The following VPS36 variants were observed in gnomAD, a reference collection of about 807,000 sequenced individuals.
VPS36 encodes vacuolar protein-sorting-associated protein 36.
A neutral mutation model predicts 63.5 loss-of-function variants in VPS36; 31 were observed. The ratio of observed to expected loss-of-function variants is 0.49; its 90% CI spans 0.37 to 0.66. The LOEUF (loss-of-function observed/expected upper bound fraction) is 0.66. Among genes scored for constraint, VPS36 ranks in the 30% least tolerant of loss-of-function variants. VPS36 has a pLI of 0.00. For missense variants in VPS36, 338 were observed against 463.7 expected (o/e 0.73, Z 2.49); for synonymous variants, 138 against 157.2 (o/e 0.88, Z 0.91).
chr13:52,420,458 A>T (rs1433172402), intron 10 of VPS36, among the ~76,000 whole-genome samples: 5 of 151,554 alleles, frequency 3.3e-5, no homozygotes, highest in African/African-American at 1.2e-4. Flanking sequence ...TCAGCCTCCC[A>T]AGTAGCTGGG....
chr13:52,425,036 G>A (rs1160312884), intron 9 of VPS36, among the ~76,000 whole-genome samples: 3 of 150,996 alleles, frequency 2.0e-5, no homozygotes, highest in African/African-American at 4.9e-5. Flanking sequence ...CGAGGCGGGC[G>A]GATCATGAGG....
At chr13:52,422,575 T>G (rs979444161) in intron 10 of VPS36, among the ~76,000 whole-genome samples, 48 of 152,130 alleles carry the variant, frequency 3.2e-4, no homozygotes, top group African/African-American at 1.2e-3. Flanking sequence ...CTTAAGTACA[T>G]TCCAGTGTTT....
At position 52,413,129 on chromosome 13, in the gene VPS36, C is replaced by G. The variant is rs1036228806; in HGVS notation, c.*2701G>C. On this transcript the variant is annotated 3_prime_UTR_variant, in exon 14 of 14. Coordinates refer to ENST00000378060, the MANE Select transcript of VPS36 (RefSeq NM_016075.4). ...CCTTACAAGTTGTGACTCCACTGTA[C>G]CAAAATGAAGACTCTGAGACTTTTG... 1.3e-5 allele frequency: 2 copies of G among 152,536 alleles called. No homozygotes were observed. Among genetic ancestry groups the G allele is most frequent in the Admixed American group, 1.3e-4 (2 of 15,266 alleles). The allele number at this position is 152,536 out of a possible 1,614,324, so 9.4% of individuals were successfully genotyped here.
At chr13:52,444,253 C>G (rs961977646) in intron 1 of VPS36, among the ~76,000 whole-genome samples, 4 of 151,960 alleles carry the variant, frequency 2.6e-5, no homozygotes, top group African/African-American at 9.7e-5. Flanking sequence ...GTCTGGAGAT[C>G]GAGACCATCC....
chr13:52,415,782 C>T lies in VPS36; in HGVS notation c.*48G>A. 1.9e-6 allele frequency: 3 copies of T among 1,562,846 alleles called. No individual in the cohort carries two copies. The highest frequency in any genetic ancestry group is 2.6e-6 in the Non-Finnish European group (3 of 1,136,426). On this transcript the variant is annotated 3_prime_UTR_variant, in exon 14 of 14. Transcript: ENST00000378060. ...CTCTTAGCTCAATGTCATACAACCT[C>T]TACATGACGCAAGCATATGGACAAA...
intron 3 of VPS36, 69 bp downstream of exon 3, chr13:52,439,029 G>T (rs1958246422): frequency 1.4e-6 from 2 of 1,407,440 alleles, no homozygotes; most frequent in Middle Eastern, 1.8e-4. Flanking sequence ...TCTAAGATAG[G>T]ACCTCTTGGC....
At chr13:52,448,307 G>A (rs1013714859) in intron 1 of VPS36, among the ~76,000 whole-genome samples, 5 of 152,232 alleles carry the variant, frequency 3.3e-5, no homozygotes, top group African/African-American at 9.6e-5. Context: ...GTGTAACCTT[G>A]TAAAGTCTCT....
chr13:52,425,978 A>G lies in VPS36; in HGVS notation c.728T>C (p.Met243Thr). 6.2e-7 allele frequency: 1 copy of G among 1,614,140 alleles called. No individual in the cohort carries two copies. The stretch of plus-strand genomic sequence containing the variant: ...TCCAGCCAGTTGTTTGGCCAGCTGC[A>G]TGTGGTACTGTGTGCCTGAGCCGTA... The part of the protein sequence containing the change: ...ETYGSGTQYH[M>T]QLAKQLAGIL... The change falls in exon 9 of 14, where the codon ATG (methionine) becomes ACG (threonine). Residue 243 changes from methionine to threonine, a missense_variant. Transcript: ENST00000378060.
chr13:52,444,157 A>C (rs927334199), intron 1 of VPS36, among the ~76,000 whole-genome samples: 60 of 152,230 alleles, frequency 3.9e-4, no homozygotes, highest in African/African-American at 1.4e-3. Flanking sequence ...TTGAGTTTAA[A>C]ATAATATGTT....
chr13:52,432,121 G>A (rs1405713145), intron 6 of VPS36, among the ~76,000 whole-genome samples: 2 of 149,946 alleles, frequency 1.3e-5, no homozygotes, highest in South Asian at 2.1e-4. Context: ...GAGAGGCCGC[G>A]GCGGCGGATC....
chr13:52,433,572 T>C (rs1397352956), intron 6 of VPS36, 90 bp downstream of exon 6: 53 of 1,056,420 alleles, frequency 5.0e-5, no homozygotes. Context: ...AAATATATTC[T>C]AAATTACAGA....
rs1343890165 is a variant in VPS36 at position 52,412,908 on chromosome 13, T to C, written c.*2922A>G. The C allele has an allele frequency of 7.9e-5, 12 of 152,652 alleles. No homozygotes were observed. The highest frequency in any genetic ancestry group is 2.9e-5 in the Non-Finnish European group (2 of 68,044). The allele number at this position is 152,652 out of a possible 1,614,324, so 9.5% of individuals were successfully genotyped here. On this transcript the variant is annotated 3_prime_UTR_variant, in exon 14 of 14. Coordinates refer to ENST00000378060, the MANE Select transcript of VPS36 (RefSeq NM_016075.4). ...ACACATGCATGGAAATTATTAATGC[T>C]ATAAGAATCTCTTGATATGCAGTTT... is the stretch of plus-strand genomic sequence containing the variant.
At chr13:52,418,743 C>CA (rs1958018552) in intron 10 of VPS36, among the ~76,000 whole-genome samples, 1 of 152,088 alleles carries the variant, frequency 6.6e-6, no homozygotes, top group East Asian at 1.9e-4. Flanking sequence ...TCTTCTGAAT[C>CA]TGGTGCATTT....
chr13:52,435,176 G>A (rs1267838084), intron 4 of VPS36, among the ~76,000 whole-genome samples: 1 of 151,690 alleles, frequency 6.6e-6, no homozygotes, highest in Non-Finnish European at 1.5e-5. Context: ...TCTCCATATT[G>A]GTCAGGCTGG....
intron 2 of VPS36, among the ~76,000 whole-genome samples, chr13:52,442,148 C>T (rs1274411057): frequency 6.6e-6 from 1 of 152,132 alleles, no homozygotes; most frequent in Non-Finnish European, 1.5e-5. Context: ...TTATTGCATT[C>T]ATTATATAAG....
chr13:52,420,446 C>T (rs1328623164), intron 10 of VPS36, among the ~76,000 whole-genome samples: 2 of 151,894 alleles, frequency 1.3e-5, no homozygotes, highest in African/African-American at 4.8e-5. Context: ...GATTCTCCTG[C>T]CTCAGCCTCC....
At position 52,415,059 on chromosome 13, in the gene VPS36, G is replaced by C. The variant is rs1957981446; in HGVS notation, c.*771C>G. The C allele has an allele frequency of 6.6e-6, 1 of 152,078 alleles. No homozygotes were observed. The allele number at this position is 152,078 out of a possible 1,614,324, so 9.4% of individuals were successfully genotyped here. ...GGCTTTGAGGTAAAAGAACACTAAG[G>C]TTCCTGTGAAGTTCCCTCTGCCATT... On this transcript the variant is annotated 3_prime_UTR_variant, in exon 14 of 14. Coordinates refer to ENST00000378060, the MANE Select transcript of VPS36 (RefSeq NM_016075.4).
chr13:52,445,939 CAA>C (rs34529458), intron 1 of VPS36, among the ~76,000 whole-genome samples: 391 of 15,296 alleles, frequency 0.026, no homozygotes, highest in African/African-American at 0.086. Flanking sequence ...GACTCTATCT[CAA>C]AAAAAAAAAA....
Position 52,436,403 on chromosome 13 carries a change from C to A in VPS36, c.238G>T (p.Ala80Ser). 1.9e-6 allele frequency: 3 copies of A among 1,602,810 alleles called. No individual in the cohort carries two copies. Among genetic ancestry groups the A allele is most frequent in the South Asian group, 1.1e-5 (1 of 89,470 alleles). The change falls in exon 4 of 14, where the codon GCC becomes TCC. Residue 80 changes from alanine (A) to serine (S), a missense_variant and splice_region_variant. Transcript: ENST00000378060. The part of the protein sequence containing the change: ...EEQAAGIGKS[A>S]KIVVHLHPAP... ...GGGTGAAGATGAACCACTATTTTGGCACTGAAGAAAGAACAAATGTAATAT... is the reference window on the plus strand; with the variant it reads ...GGGTGAAGATGAACCACTATTTTGGAACTGAAGAAAGAACAAATGTAATAT...
Sources: gnomAD v4.1 joint callset for allele counts (sites outside exome capture counted in the v4.1 genomes callset) on GRCh38, gnomAD v4.1.1 for gene constraint, MANE v1.5 for transcripts, NCBI Gene and HGNC (gene_info 2026-07-23, HGNC 2026-07-21) for gene names.